IL1RAPL2: variants seen among roughly 807,000 people sequenced by gnomAD.
The protein encoded by IL1RAPL2 is interleukin 1 receptor accessory protein like 2.
In IL1RAPL2, 3 loss-of-function variants were observed where a neutral mutation model predicts 44.1. The ratio of observed to expected loss-of-function variants is 0.07; its 90% confidence interval spans 0.03 to 0.18. The LOEUF (loss-of-function observed/expected upper bound fraction) is 0.18, where lower values mean the gene tolerates loss of function less well. Among genes scored for constraint, IL1RAPL2 ranks in the 10% least tolerant of loss-of-function variants. IL1RAPL2 has a pLI of 1.00. For missense variants in IL1RAPL2, 391 were observed against 496.4 expected (o/e 0.79, Z 2.02); for synonymous variants, 181 against 178.8 (o/e 1.01, Z -0.10).
At position 105,752,291 on chromosome X, in the gene IL1RAPL2, T is replaced by C. The variant is rs138906918; in HGVS notation, c.1193-2886T>C. ...ATTTGCTCTGTAGAAACTAGGAGTT[T>C]AGCACTCTGTTTAGCACAGCTGCGG... On this transcript the variant is annotated intron_variant, in intron 9 of 10. Transcript: ENST00000372582. Among the ~76,000 whole-genome samples the C allele has an allele frequency of 5.1e-3, 572 of 112,528 alleles. 4 individuals are homozygous for C. The highest frequency in any genetic ancestry group is 0.027 in the Middle Eastern group (6 of 219).
rs577748547 is a variant in IL1RAPL2 at position 104,752,444 on chromosome X, C to G, written c.82+93449C>G. Reference sequence around the variant, plus strand: ...AATAAATAGGGTTCACTTATTGTGACAAGGGCCCCACTATCCTTCTTTGAA... The same window carrying G: ...AATAAATAGGGTTCACTTATTGTGAGAAGGGCCCCACTATCCTTCTTTGAA... On this transcript the variant is annotated intron_variant, in intron 2 of 10. Transcript: ENST00000372582. 5.4e-5 allele frequency among the ~76,000 whole-genome samples: 6 copies of G among 110,739 alleles called. No homozygotes were observed. The East Asian group carries it at 1.7e-3, about 32-fold the overall frequency.
At chrX:105,726,619 G>A (rs1440319335) in intron 7 of IL1RAPL2, among the ~76,000 whole-genome samples, 1 of 110,559 alleles carries the variant, frequency 9.0e-6, no homozygotes, top group Non-Finnish European at 1.9e-5. Context: ...CTCCTCCTTT[G>A]AGTGACTACT....
At chrX:104,705,487 A>G (rs1222848813) in intron 2 of IL1RAPL2, among the ~76,000 whole-genome samples, 1 of 111,097 alleles carries the variant, frequency 9.0e-6, no homozygotes, top group Non-Finnish European at 1.9e-5. Context: ...TTCTATTTCC[A>G]GGATATGAAC....
At chrX:104,942,594 G>T (rs1881394960) in intron 2 of IL1RAPL2, among the ~76,000 whole-genome samples, 1 of 111,636 alleles carries the variant, frequency 9.0e-6, no homozygotes, top group African/African-American at 3.3e-5. Context: ...GAGATTTTGG[G>T]CTTAAATGAT....
chrX:105,302,328 G>C (rs985482240), intron 5 of IL1RAPL2, among the ~76,000 whole-genome samples: 2 of 111,873 alleles, frequency 1.8e-5, no homozygotes, highest in African/African-American at 3.3e-5. Flanking sequence ...TTTTCAGTTT[G>C]TTGATTATTT....
intron 6 of IL1RAPL2, chrX:105,675,953 A>C (rs890138960): frequency 1.8e-5 from 2 of 111,394 alleles, no homozygotes; most frequent in Admixed American, 1.9e-4. Flanking sequence ...GCATAGATCT[A>C]TTTGTAGTAT....
intron 5 of IL1RAPL2, among the ~76,000 whole-genome samples, chrX:105,310,262 T>C (rs1224946997): frequency 1.8e-5 from 2 of 111,837 alleles, no homozygotes; most frequent in African/African-American, 6.5e-5. Context: ...GTTTATAATA[T>C]TGCCTTAATA....
At chrX:105,274,470 G>A (rs911572148) in intron 5 of IL1RAPL2, among the ~76,000 whole-genome samples, 15 of 112,366 alleles carry the variant, frequency 1.3e-4, no homozygotes, top group Non-Finnish European at 2.8e-4. Flanking sequence ...TAGTGGAAGT[G>A]AAGCAATGGA....
At chrX:105,380,804 A>G (rs1371250900) in intron 5 of IL1RAPL2, among the ~76,000 whole-genome samples, 1 of 111,611 alleles carries the variant, frequency 9.0e-6, no homozygotes, top group Non-Finnish European at 1.9e-5. Context: ...TTCTTTATTG[A>G]TTTGACAATA....
chrX:105,398,046 C>T (rs1256800927), intron 5 of IL1RAPL2, among the ~76,000 whole-genome samples: 2 of 111,209 alleles, frequency 1.8e-5, no homozygotes, highest in African/African-American at 3.3e-5. Context: ...TTAATTATAC[C>T]GTCCCTTCCT....
chrX:105,319,494 T>C, intron 5 of IL1RAPL2, among the ~76,000 whole-genome samples: 1 of 111,680 alleles, frequency 9.0e-6, no homozygotes, highest in Non-Finnish European at 1.9e-5. Context: ...TTTTCACTCA[T>C]TGTGATAGGA....
At chrX:105,639,628 TTAATTTTA>T (rs1469140804) in intron 6 of IL1RAPL2, among the ~76,000 whole-genome samples, 1 of 111,590 alleles carries the variant, frequency 9.0e-6, no homozygotes, top group Non-Finnish European at 1.9e-5. Context: ...ATAAAAGGTT[TTAATTTTA>T]TAATTTCATT....
At position 104,951,000 on chromosome X, in the gene IL1RAPL2, G is replaced by A. The variant is rs746576219; in HGVS notation, c.83-244475G>A. Reference sequence around the variant, plus strand: ...GAAAGGGAACTCCCTGACCCCTTGCGCTTCCCGAGTGAGGCAATGCCTCGC... The same window carrying A: ...GAAAGGGAACTCCCTGACCCCTTGCACTTCCCGAGTGAGGCAATGCCTCGC... On this transcript the variant is annotated intron_variant, in intron 2 of 10. Transcript: ENST00000372582. Among the ~76,000 whole-genome samples the A allele has an allele frequency of 8.4e-4, 94 of 112,119 alleles. No individual in the cohort carries two copies. The Middle Eastern group carries it at 0.014, about 17-fold the overall frequency.
chrX:104,690,155 G>T (rs1291011988), intron 2 of IL1RAPL2, among the ~76,000 whole-genome samples: 2 of 112,120 alleles, frequency 1.8e-5, no homozygotes, highest in Non-Finnish European at 3.8e-5. Flanking sequence ...TATAATAAGG[G>T]CTTTGTTTAT....
chrX:104,895,053 C>G (rs1189905113), intron 2 of IL1RAPL2, among the ~76,000 whole-genome samples: 7 of 112,516 alleles, frequency 6.2e-5, no homozygotes, highest in Non-Finnish European at 1.3e-4. Flanking sequence ...GAGGTCCACT[C>G]CAGACTGTGT....
At chrX:104,884,660 A>G (rs887097394) in intron 2 of IL1RAPL2, among the ~76,000 whole-genome samples, 59 of 111,444 alleles carry the variant, frequency 5.3e-4, no homozygotes, top group African/African-American at 1.9e-3. Context: ...AGTATAAATT[A>G]CAATACTGTC....
chrX:105,428,599 G>C (rs1303584047), intron 5 of IL1RAPL2, among the ~76,000 whole-genome samples: 4 of 111,576 alleles, frequency 3.6e-5, no homozygotes, highest in African/African-American at 1.3e-4. Context: ...ACAATCAATG[G>C]TATTTACAAT....
chrX:105,037,032 C>T (rs908354671), intron 2 of IL1RAPL2, among the ~76,000 whole-genome samples: 3 of 112,027 alleles, frequency 2.7e-5, no homozygotes, highest in African/African-American at 9.7e-5. Flanking sequence ...TGAAGTCATT[C>T]TTCTGTGGAT....
At chrX:104,982,023 A>G (rs761889142) in intron 2 of IL1RAPL2, among the ~76,000 whole-genome samples, 7 of 110,488 alleles carry the variant, frequency 6.3e-5, no homozygotes, top group African/African-American at 2.3e-4. Context: ...AAGATAAAAA[A>G]ACTACCTATC....
Sources: gnomAD v4.1 joint callset for allele counts (sites outside exome capture counted in the v4.1 genomes callset) on GRCh38, gnomAD v4.1.1 for gene constraint, MANE v1.5 for transcripts, NCBI Gene and HGNC (gene_info 2026-07-23, HGNC 2026-07-21) for gene names.